SKAP2: variants seen among roughly 807,000 people sequenced by gnomAD.
The protein encoded by SKAP2 is src kinase associated phosphoprotein 2.
A neutral mutation model predicts 54.9 loss-of-function variants in SKAP2; 28 were observed. That is an observed-to-expected ratio of 0.51 (90% CI 0.38 to 0.70). The LOEUF (loss-of-function observed/expected upper bound fraction) is 0.70, where lower values mean the gene tolerates loss of function less well. SKAP2 is among the 30% of genes least tolerant of loss of function. The pLI is 0.00. For synonymous variants in SKAP2, 137 were observed against 134.3 expected, an observed-to-expected ratio of 1.02 and a Z score of -0.14; for missense variants, 356 against 424.1, an observed-to-expected ratio of 0.84 and a Z score of 1.41.
At chr7:26,656,035 G>A in the SKAP2 span, among the ~76,000 whole-genome samples, 51 of 152,208 alleles carry the variant, frequency 3.4e-4, no homozygotes, top group East Asian at 5.6e-3. Flanking sequence ...CCAAAGACAG[G>A]GGACAGATGT....
rs35995014 is a variant in SKAP2 at position 26,864,055 on chromosome 7, T to TCACACACACACACACACACACACA, written c.67+284_67+307dup. ...CCACTCTTCCTCCCCCGCCCTTCTG[T>TCACACACACACACACACACACACA]CACACACACACACACACACACACAC... On this transcript the variant is annotated intron_variant, in intron 1 of 12. Coordinates refer to ENST00000345317, the MANE Select transcript of SKAP2 (RefSeq NM_003930.5). 7.0e-5 allele frequency among the ~76,000 whole-genome samples: 10 copies of TCACACACACACACACACACACACA among 143,438 alleles called. No homozygotes were observed. The South Asian group carries it at 1.1e-3, about 16-fold the overall frequency. The allele number at this position is 143,438 out of a possible 152,430, so 94.1% of individuals were successfully genotyped here.
rs572919953 is a variant in SKAP2 at position 26,731,055 on chromosome 7, A to G, written c.470-4049T>C. ...ACGGTCACACAAATAGTAAACAGTAAAAGCCAGGACCCTAGGAAAGTCTGG... is the reference window on the plus strand; with the variant it reads ...ACGGTCACACAAATAGTAAACAGTAGAAGCCAGGACCCTAGGAAAGTCTGG... On this transcript the variant is annotated intron_variant, in intron 6 of 12. Transcript: ENST00000345317. Among the ~76,000 whole-genome samples the G allele has an allele frequency of 9.8e-5, 15 of 152,320 alleles. No individual in the cohort carries two copies. In the South Asian group the frequency reaches 3.1e-3, roughly 32 times the overall value.
chr7:26,762,535 TA>T (rs1019423001), intron 4 of SKAP2, among the ~76,000 whole-genome samples: 3 of 150,662 alleles, frequency 2.0e-5, no homozygotes, highest in African/African-American at 2.4e-5. Flanking sequence ...TGCTTGCCTT[TA>T]AAAAAAAATA....
At chr7:26,693,639 C>T (rs866547439) in intron 9 of SKAP2, among the ~76,000 whole-genome samples, 1 of 152,038 alleles carries the variant, frequency 6.6e-6, no homozygotes, top group Non-Finnish European at 1.5e-5. Context: ...TATAAAATAT[C>T]CAAATTGAAA....
rs397889100 is a variant in SKAP2 at position 26,814,563 on chromosome 7, CAA to C, written c.307+29465_307+29466del. 6.0e-3 allele frequency among the ~76,000 whole-genome samples: 544 copies of C among 90,110 alleles called. 4 individuals carry two copies. Among genetic ancestry groups the C allele is most frequent in the Admixed American group, 0.013 (114 of 8,564 alleles). The allele number at this position is 90,110 out of a possible 152,430, so 59.1% of individuals were successfully genotyped here. A position where few individuals can be genotyped will look rare whatever the true frequency, so the allele number is the denominator to read the frequency against. On this transcript the variant is annotated intron_variant, in intron 4 of 12. Coordinates refer to ENST00000345317, the MANE Select transcript of SKAP2 (RefSeq NM_003930.5). ...GGAACTTCAAACACCCTTACACCAGCAAAAAAAAAAAAAAAAAAAGATTCAGT... is the reference window on the plus strand; with the variant it reads ...GGAACTTCAAACACCCTTACACCAGCAAAAAAAAAAAAAAAAAGATTCAGT...
At chr7:26,681,756 T>C (rs1174337167) in intron 11 of SKAP2, among the ~76,000 whole-genome samples, 1 of 152,216 alleles carries the variant, frequency 6.6e-6, no homozygotes, top group Non-Finnish European at 1.5e-5. Context: ...CTTTACAAAG[T>C]ACACATTTCC....
At chr7:26,713,678 C>A (rs1787359547) in intron 9 of SKAP2, among the ~76,000 whole-genome samples, 1 of 151,890 alleles carries the variant, frequency 6.6e-6, no homozygotes, top group African/African-American at 2.4e-5. Context: ...CGGCTCACTG[C>A]AAGCTCCGCC....
chr7:26,698,131 T>C (rs954856300), intron 9 of SKAP2, among the ~76,000 whole-genome samples: 1 of 152,230 alleles, frequency 6.6e-6, no homozygotes, highest in Non-Finnish European at 1.5e-5. Context: ...GATGCAGAGC[T>C]CATTTGTTAT....
At chr7:26,734,197 G>A (rs150547175) in intron 6 of SKAP2, among the ~76,000 whole-genome samples, 207 of 152,246 alleles carry the variant, frequency 1.4e-3, no homozygotes, top group Admixed American at 3.5e-3. Context: ...AGACTACTTC[G>A]AAGTCCTGCT....
the SKAP2 span, among the ~76,000 whole-genome samples, chr7:26,662,022 A>G: frequency 6.6e-6 from 1 of 152,108 alleles, no homozygotes; most frequent in African/African-American, 2.4e-5. Context: ...TGAAACTAGA[A>G]TTTTGGTTGA....
At chr7:26,851,314 C>A (rs1785036831) in intron 3 of SKAP2, among the ~76,000 whole-genome samples, 1 of 150,720 alleles carries the variant, frequency 6.6e-6, no homozygotes, top group Admixed American at 6.6e-5. Flanking sequence ...ATAGTTCCAT[C>A]TACTATATAG....
At chr7:26,754,367 C>T (rs1428528193) in intron 4 of SKAP2, among the ~76,000 whole-genome samples, 2 of 143,296 alleles carry the variant, frequency 1.4e-5, no homozygotes, top group African/African-American at 5.3e-5. Context: ...CCGTCACACA[C>T]ACACACACAC....
rs139464146 is a variant in SKAP2 at position 26,670,025 on chromosome 7, A to T, written c.*9+66T>A. ...TCTAAAGACTTTTAAAAAGGCAAAG[A>T]CTCATAACGAAGAGACCAAGAGAAC... On this transcript the variant is annotated intron_variant, in intron 12 of 12. Coordinates refer to ENST00000345317, the MANE Select transcript of SKAP2 (RefSeq NM_003930.5). 6 of 674,384 alleles carry T rather than the reference A, an allele frequency of 8.9e-6. No homozygotes were observed. The Admixed American group carries it at 1.2e-4, about 14-fold the overall frequency. 41.8% of individuals were successfully genotyped at this position (674,384 alleles called of 1,614,324 possible).
At chr7:26,705,235 C>G (rs1787132114) in intron 9 of SKAP2, among the ~76,000 whole-genome samples, 1 of 152,112 alleles carries the variant, frequency 6.6e-6, no homozygotes. Flanking sequence ...ATAAACTTTT[C>G]CTAGCACTTT....
At chr7:26,683,539 A>T (rs1296844995) in intron 11 of SKAP2, among the ~76,000 whole-genome samples, 1 of 141,000 alleles carries the variant, frequency 7.1e-6, no homozygotes, top group African/African-American at 3.1e-5. Flanking sequence ...GATGGATGGA[A>T]GGAAGGAAGG....
At chr7:26,824,919 G>C (rs1784456672) in intron 4 of SKAP2, among the ~76,000 whole-genome samples, 2 of 152,000 alleles carry the variant, frequency 1.3e-5, no homozygotes, top group Non-Finnish European at 2.9e-5. Flanking sequence ...TACCTATGTT[G>C]GTGGATGTTT....
At chr7:26,731,727 C>A (rs924008607) in intron 6 of SKAP2, among the ~76,000 whole-genome samples, 1 of 152,014 alleles carries the variant, frequency 6.6e-6, no homozygotes, top group African/African-American at 2.4e-5. Flanking sequence ...TTGTTGTATC[C>A]CCCATCTCAA....
chr7:26,713,422 G>A (rs959599289), intron 9 of SKAP2, among the ~76,000 whole-genome samples: 1 of 150,202 alleles, frequency 6.7e-6, no homozygotes, highest in Non-Finnish European at 1.5e-5. Context: ...ATATTTGCTG[G>A]ATGAGTTAAT....
rs1050091036 is a variant in SKAP2, at chr7:26,800,375, C to T, written c.307+43655G>A. 4.6e-5 allele frequency among the ~76,000 whole-genome samples: 7 copies of T among 152,092 alleles called. No individual in the cohort carries two copies. The South Asian group carries it at 6.2e-4, about 14-fold the overall frequency. ...CCTATGTGATACAGCAAAAGCAGTA[C>T]TCAGAAGGACATTTATAGCTATAAG... is the stretch of plus-strand genomic sequence containing the variant. On this transcript the variant is annotated intron_variant, in intron 4 of 12. Transcript: ENST00000345317.
Sources: gnomAD v4.1 joint callset for allele counts (sites outside exome capture counted in the v4.1 genomes callset) on GRCh38, gnomAD v4.1.1 for gene constraint, MANE v1.5 for transcripts, NCBI Gene and HGNC (gene_info 2026-07-23, HGNC 2026-07-21) for gene names.